RUFY1: variants seen among roughly 807,000 people sequenced by gnomAD.
RUFY1 encodes RUN and FYVE domain-containing protein 1.
Under a neutral mutation model 94.6 loss-of-function variants are expected in RUFY1, and 54 were observed. The observed-to-expected ratio is 0.57, with a 90% CI of 0.46 to 0.72. The LOEUF (loss-of-function observed/expected upper bound fraction) is 0.72, where lower values mean the gene tolerates loss of function less well. Ranked by LOEUF, RUFY1 falls within the 30% of genes least tolerant of loss-of-function variation. The pLI is 0.00. For missense variants in RUFY1, 883 were observed against 883.9 expected, an observed-to-expected ratio of 1.00 and a Z score of 0.01; for synonymous variants, 396 against 347.3, an observed-to-expected ratio of 1.14 and a Z score of -1.56.
intron 1 of RUFY1, among the ~76,000 whole-genome samples, chr5:179,557,435 GA>G (rs1032831326): frequency 1.3e-5 from 2 of 151,746 alleles, no homozygotes; most frequent in South Asian, 2.1e-4. Flanking sequence ...CATCTCAAAA[GA>G]AAAAAAGACT....
At position 179,550,639 on chromosome 5, in the gene RUFY1, C is replaced by T; in HGVS notation, c.70C>T (p.Pro24Ser). 2.2e-6 allele frequency: 3 copies of T among 1,379,378 alleles called. No individual in the cohort carries two copies. The highest frequency in any genetic ancestry group is 9.3e-7 in the Non-Finnish European group (1 of 1,077,242). 85.4% of individuals were successfully genotyped at this position (1,379,378 alleles called of 1,614,324 possible). A position where few individuals can be genotyped will look rare whatever the true frequency, so the allele number is the denominator to read the frequency against. Residue 24 changes from proline (P) to serine (S), a missense_variant, in exon 1 of 18, where the codon CCG becomes TCG. Transcript: ENST00000319449. ...RELEPELEPG[P>S]GPGSALEPGE... ...GCTGGAGCCGGAGCTGGAGCCGGGG[C>T]CGGGGCCCGGGTCAGCGCTTGAGCC...
At position 179,562,531 on chromosome 5, in the gene RUFY1, T is replaced by C. The variant is rs201138574; in HGVS notation, c.485-16T>C. ...CAACCTGTTCTTATGAATAACACTT[T>C]TGTTTTTCCTTTTAGTTAAGAAGAG... On this transcript the variant is annotated splice_polypyrimidine_tract_variant and intron_variant, in intron 2 of 17. Transcript: ENST00000319449. 1 of 1,501,820 alleles carries C rather than the reference T, an allele frequency of 6.7e-7. No individual in the cohort carries two copies. The highest frequency in any genetic ancestry group is 1.1e-5 in the South Asian group (1 of 87,526). The allele number at this position is 1,501,820 out of a possible 1,614,324, so 93.0% of individuals were successfully genotyped here.
chr5:179,560,681 G>C (rs1382889908), intron 2 of RUFY1, among the ~76,000 whole-genome samples: 1 of 142,592 alleles, frequency 7.0e-6, no homozygotes, highest in Non-Finnish European at 1.5e-5. Flanking sequence ...AGCTGAGATC[G>C]CGCCACTGCA....
intron 6 of RUFY1, among the ~76,000 whole-genome samples, chr5:179,579,368 T>C (rs750239930): frequency 3.9e-5 from 6 of 152,196 alleles, no homozygotes; most frequent in Non-Finnish European, 5.9e-5. Flanking sequence ...TTCGCTCTTA[T>C]TGCCCAGGCT....
chr5:179,579,654 C>CTTTTTT (rs1554118772), intron 6 of RUFY1, among the ~76,000 whole-genome samples: 5 of 38,636 alleles, frequency 1.3e-4, no homozygotes, highest in Non-Finnish European at 2.2e-4. Context: ...CCCTTTTCTT[C>CTTTTTT]TTCTTTTTTT....
intron 5 of RUFY1, among the ~76,000 whole-genome samples, chr5:179,573,812 G>A (rs1042916471): frequency 6.6e-6 from 1 of 152,056 alleles, no homozygotes; most frequent in Non-Finnish European, 1.5e-5. Context: ...GTGAGCCACC[G>A]TGCCCGGCCT....
At chr5:179,578,007 G>A (rs1164744828) in intron 6 of RUFY1, among the ~76,000 whole-genome samples, 1 of 152,112 alleles carries the variant, frequency 6.6e-6, no homozygotes, top group Non-Finnish European at 1.5e-5. Context: ...AGAATAGAGT[G>A]TACAGGTGAA....
At chr5:179,580,245 A>ATATATTTT (rs59300402) in intron 6 of RUFY1, among the ~76,000 whole-genome samples, 4 of 81,686 alleles carry the variant, frequency 4.9e-5, no homozygotes, top group African/African-American at 1.1e-4. Flanking sequence ...GTGTGTGTAT[A>ATATATTTT]TTTTTTTTTT....
chr5:179,571,893 A>G (rs1241782985), intron 5 of RUFY1, among the ~76,000 whole-genome samples: 2 of 150,778 alleles, frequency 1.3e-5, no homozygotes, highest in East Asian at 1.9e-4. Flanking sequence ...GACTAAGCAC[A>G]TTGACCCTTT....
chr5:179,577,770 C>T (rs897797372), intron 6 of RUFY1, among the ~76,000 whole-genome samples: 3 of 144,570 alleles, frequency 2.1e-5, no homozygotes, highest in East Asian at 2.0e-4. Context: ...GGTCGGGCGG[C>T]GGAGGCGGTG....
intron 11 of RUFY1, 35 bp downstream of exon 11, chr5:179,593,680 G>A (rs1181350410): frequency 6.2e-7 from 1 of 1,602,494 alleles, no homozygotes; most frequent in South Asian, 1.1e-5. Context: ...GCACAGCCTG[G>A]TTTCTGCTGC....
chr5:179,605,602 C>T (rs1766993244), intron 15 of RUFY1, among the ~76,000 whole-genome samples: 1 of 152,134 alleles, frequency 6.6e-6, no homozygotes, highest in Admixed American at 6.5e-5. Context: ...GCCTCAGCCT[C>T]CCTCAAAGTC....
intron 15 of RUFY1, among the ~76,000 whole-genome samples, chr5:179,604,425 C>T (rs1269762927): frequency 6.6e-6 from 1 of 152,186 alleles, no homozygotes; most frequent in African/African-American, 2.4e-5. Context: ...GTTGACCTGG[C>T]TTCCCAAGGT....
chr5:179,584,999 C>CG (rs1764484213), intron 7 of RUFY1, among the ~76,000 whole-genome samples: 1 of 151,916 alleles, frequency 6.6e-6, no homozygotes, highest in Admixed American at 6.6e-5. Context: ...AGCATGTTGA[C>CG]GGGCGCCTGT....
intron 2 of RUFY1, among the ~76,000 whole-genome samples, chr5:179,561,584 C>CAA (rs903694717): frequency 6.5e-5 from 6 of 92,892 alleles, no homozygotes; most frequent in African/African-American, 2.5e-4. Context: ...CTGAAAAAAA[C>CAA]AAAAAAAAAT....
intron 8 of RUFY1, chr5:179,586,196 G>A (rs1039891688): frequency 2.3e-6 from 1 of 433,658 alleles, no homozygotes; most frequent in Non-Finnish European, 4.4e-6. Flanking sequence ...CCATGATGCC[G>A]TGTGCCTCCC....
chr5:179,568,641 C>T (rs1227858501), intron 4 of RUFY1, among the ~76,000 whole-genome samples: 1 of 152,116 alleles, frequency 6.6e-6, no homozygotes, highest in Admixed American at 6.5e-5. Flanking sequence ...TTATGGGATA[C>T]TATGCATGTA....
In RUFY1 at chr5:179,569,145, C is replaced by T. The variant is rs1160513392; in HGVS notation, c.705-157C>T. The T allele has an allele frequency of 3.0e-6, 3 of 984,786 alleles. No homozygotes were observed. In the Admixed American group the frequency reaches 1.9e-4, roughly 61 times the overall value. The allele number at this position is 984,786 out of a possible 1,614,324, so 61.0% of individuals were successfully genotyped here. On this transcript the variant is annotated intron_variant, in intron 4 of 17. Transcript: ENST00000319449. ...GAGGAGAGGACGGGAGAAAAAGCAG[C>T]CGTTGAAGCAGTGAAGAGAAATGAA... is the stretch of plus-strand genomic sequence containing the variant.
At chr5:179,559,507 T>C (rs575270146) in intron 1 of RUFY1, among the ~76,000 whole-genome samples, 1 of 152,164 alleles carries the variant, frequency 6.6e-6, no homozygotes, top group African/African-American at 2.4e-5. Context: ...GGAAAAGCCT[T>C]CTGGGCGGGG....
Sources: gnomAD v4.1 joint callset for allele counts (sites outside exome capture counted in the v4.1 genomes callset) on GRCh38, gnomAD v4.1.1 for gene constraint, MANE v1.5 for transcripts, NCBI Gene and HGNC (gene_info 2026-07-23, HGNC 2026-07-21) for gene names.